PLAGL1: variants seen among roughly 807,000 people sequenced by gnomAD.
PLAGL1 encodes the protein PLAG1 like zinc finger 1.
Under a neutral mutation model 4.6 loss-of-function variants are expected in PLAGL1, and 1 was observed. The observed-to-expected ratio is 0.22, with a 90% confidence interval of 0.08 to 1.03. The LOEUF (loss-of-function observed/expected upper bound fraction) is 1.03. Ranked by LOEUF, PLAGL1 falls within the 50% of genes least tolerant of loss-of-function variation. PLAGL1 has a pLI of 0.58. For missense variants in PLAGL1, 464 were observed against 570.4 expected, an observed-to-expected ratio of 0.81 and a Z score of 1.90; for synonymous variants, 240 against 237.8, an observed-to-expected ratio of 1.01 and a Z score of -0.08.
chr6:144,030,569 T>C (rs1796741693), intron 1 of PLAGL1, among the ~76,000 whole-genome samples: 1 of 152,196 alleles, frequency 6.6e-6, no homozygotes, highest in African/African-American at 2.4e-5. Context: ...ATAGCTTAGC[T>C]TCCACATATA....
At chr6:143,977,470 C>CTTTTTTTTTTTTTTTTTTTTTTT (rs34750629) in intron 2 of PLAGL1, among the ~76,000 whole-genome samples, 1 of 69,312 alleles carries the variant, frequency 1.4e-5, no homozygotes, top group Non-Finnish European at 2.5e-5. Flanking sequence ...TCTTCTTCTT[C>CTTTTTTTTTTTTTTTTTTTTTTT]TTTTTTTTTT....
At chr6:144,060,132 C>T (rs924043033) in intron 1 of PLAGL1, among the ~76,000 whole-genome samples, 6 of 152,078 alleles carry the variant, frequency 3.9e-5, no homozygotes, top group East Asian at 1.9e-4. Flanking sequence ...ACTGCAGCCT[C>T]GACCTCCCAG....
chr6:144,002,123 A>G (rs1793034790), intron 1 of PLAGL1, among the ~76,000 whole-genome samples: 1 of 152,190 alleles, frequency 6.6e-6, no homozygotes, highest in African/African-American at 2.4e-5. Flanking sequence ...TGTTAACATG[A>G]GAGGAAGCTG....
In PLAGL1 at chr6:143,965,702, G is replaced by A. The variant is rs1384282494; in HGVS notation, c.-431+456C>T. ...GGGTGTGTTGGGCAAGTAAGCAGAG[G>A]TTGCTTGCTTTACCGAAAGTGGGGC... On this transcript the variant is annotated intron_variant, in intron 4 of 7. Transcript: ENST00000674357. The surrounding 1 kb of genome is among the most constrained non-coding windows in gnomAD (Gnocchi z 7.5). 6.6e-6 allele frequency: 1 copy of A among 152,306 alleles called. No individual in the cohort carries two copies. The highest frequency in any genetic ancestry group is 1.5e-5 in the Non-Finnish European group (1 of 68,108). 9.4% of individuals were successfully genotyped at this position (152,306 alleles called of 1,614,324 possible).
At position 143,964,014 on chromosome 6, in the gene PLAGL1, C is replaced by A. The variant is rs1290661385; in HGVS notation, c.-399+773G>T. 6.6e-6 allele frequency among the ~76,000 whole-genome samples: 1 copy of A among 152,170 alleles called. No homozygotes were observed. The highest frequency in any genetic ancestry group is 1.5e-5 in the Non-Finnish European group (1 of 68,040). On this transcript the variant is annotated intron_variant, in intron 5 of 7. Coordinates refer to ENST00000674357, the MANE Select transcript of PLAGL1 (RefSeq NM_001317162.2). This position sits in a 1 kb window ranked among gnomAD's most constrained non-coding sequence, Gnocchi z 4.3. ...CCAGAGAAGAAATTCTGCTGGACTT[C>A]TGGGAGGCGAGAAGGAGAAGCAGAG... is the stretch of plus-strand genomic sequence containing the variant.
rs942574633 is a variant in PLAGL1 at position 143,962,271 on chromosome 6, A to C, written c.-398-1729T>G. Among the ~76,000 whole-genome samples the C allele has an allele frequency of 2.0e-5, 3 of 152,240 alleles. No individual in the cohort carries two copies. The highest frequency in any genetic ancestry group is 4.4e-5 in the Non-Finnish European group (3 of 68,042). On this transcript the variant is annotated intron_variant, in intron 5 of 7. Coordinates refer to ENST00000674357, the MANE Select transcript of PLAGL1 (RefSeq NM_001317162.2). This position sits in a 1 kb window ranked among gnomAD's most constrained non-coding sequence, Gnocchi z 5.3. Reference sequence around the variant, plus strand: ...ACACATCTCAGTTTGACAGGATGCTACTTGCAGATTGCTTTTCAGGTCAGA... The same window carrying C: ...ACACATCTCAGTTTGACAGGATGCTCCTTGCAGATTGCTTTTCAGGTCAGA...
At chr6:144,028,727 G>C (rs1283610881) in intron 1 of PLAGL1, among the ~76,000 whole-genome samples, 4 of 152,146 alleles carry the variant, frequency 2.6e-5, no homozygotes, top group African/African-American at 7.2e-5. Flanking sequence ...GCTGCTGAGG[G>C]TGTAGAGAAT....
Position 143,953,001 on chromosome 6 carries a change from C to T in PLAGL1, c.-324-4541G>A, listed in dbSNP as rs1005703938. On this transcript the variant is annotated intron_variant, in intron 6 of 7. Transcript: ENST00000674357. This position sits in a 1 kb window ranked among gnomAD's most constrained non-coding sequence, Gnocchi z 5.3. ...CTGCAGACCTCACTCCCATCATGGC[C>T]GGAAGGCAAGGCCAAGGATCACTCC... 2.0e-5 allele frequency among the ~76,000 whole-genome samples: 3 copies of T among 152,210 alleles called. No individual in the cohort carries two copies. The highest frequency in any genetic ancestry group is 2.9e-5 in the Non-Finnish European group (2 of 68,034).
rs554648181 is a variant in PLAGL1, at chr6:143,966,205, C to T, written c.-471-7G>A. 12 of 152,226 alleles carry T rather than the reference C, an allele frequency of 7.9e-5. No homozygotes were observed. The highest frequency in any genetic ancestry group is 1.9e-4 in the East Asian group (1 of 5,186). 9.4% of individuals were successfully genotyped at this position (152,226 alleles called of 1,614,324 possible). On this transcript the variant is annotated splice_polypyrimidine_tract_variant and splice_region_variant and intron_variant, in intron 3 of 7. Coordinates refer to ENST00000674357, the MANE Select transcript of PLAGL1 (RefSeq NM_001317162.2). The surrounding 1 kb of genome is among the most constrained non-coding windows in gnomAD (Gnocchi z 6.0). ...CCCATTAGGTTTCTGTCGACTGCAA[C>T]GAAAAGTCTTGTCTAATCAGAACCA... is the stretch of plus-strand genomic sequence containing the variant.
chr6:144,005,037 T>C lies in PLAGL1; in HGVS notation c.-584+3053A>G, dbSNP rs980585972. 8.0e-5 allele frequency: 12 copies of C among 150,800 alleles called. No individual in the cohort carries two copies. Among genetic ancestry groups the C allele is most frequent in the African/African-American group, 2.7e-4 (11 of 41,230 alleles). 9.3% of individuals were successfully genotyped at this position (150,800 alleles called of 1,614,324 possible). ...ATATAAAGTGTATGTGTATATATTA[T>C]ATATATACACACACCTACATACATT... On this transcript the variant is annotated intron_variant, in intron 1 of 7. Transcript: ENST00000674357. The surrounding 1 kb of genome is among the most constrained non-coding windows in gnomAD (Gnocchi z 4.6).
In PLAGL1 at chr6:143,954,917, A is replaced by G. The variant is rs1781800075; in HGVS notation, c.-325+5552T>C. Reference sequence around the variant, plus strand: ...TGCATTTCTAAATATCCACAAACAGAAATATAGTTTAAATACCATCATATT... The same window carrying G: ...TGCATTTCTAAATATCCACAAACAGGAATATAGTTTAAATACCATCATATT... On this transcript the variant is annotated intron_variant, in intron 6 of 7. Transcript: ENST00000674357. This position sits in a 1 kb window ranked among gnomAD's most constrained non-coding sequence, Gnocchi z 5.1. 6.6e-6 allele frequency among the ~76,000 whole-genome samples: 1 copy of G among 152,204 alleles called. No homozygotes were observed. Among genetic ancestry groups the G allele is most frequent in the African/African-American group, 2.4e-5 (1 of 41,448 alleles).
At position 143,979,708 on chromosome 6, in the gene PLAGL1, T is replaced by A. The variant is rs1373729818; in HGVS notation, c.-544+5427A>T. On this transcript the variant is annotated intron_variant, in intron 2 of 7. Transcript: ENST00000674357. This position sits in a 1 kb window ranked among gnomAD's most constrained non-coding sequence, Gnocchi z 4.6. ...GTTTAAACCATCTTTTAAAAAATATTAATAATAATCATCATCGTATGTATT... is the reference window on the plus strand; with the variant it reads ...GTTTAAACCATCTTTTAAAAAATATAAATAATAATCATCATCGTATGTATT... Among the ~76,000 whole-genome samples, 2 of 152,206 alleles carry A rather than the reference T, an allele frequency of 1.3e-5. No individual in the cohort carries two copies. The highest frequency in any genetic ancestry group is 3.9e-4 in the East Asian group (2 of 5,192).
At chr6:143,993,329 A>ACAC (rs779507833) in intron 1 of PLAGL1, among the ~76,000 whole-genome samples, 32 of 66,838 alleles carry the variant, frequency 4.8e-4, no homozygotes, top group African/African-American at 1.5e-3. Context: ...AAAACAAAAC[A>ACAC]AAACACACAC....
In PLAGL1 at chr6:143,952,296, A is replaced by T. The variant is rs1240056273; in HGVS notation, c.-324-3836T>A. Among the ~76,000 whole-genome samples, 1 of 152,240 alleles carries T rather than the reference A, an allele frequency of 6.6e-6. No homozygotes were observed. Among genetic ancestry groups the T allele is most frequent in the East Asian group, 1.9e-4 (1 of 5,196 alleles). Reference sequence around the variant, plus strand: ...GGCAGGCCACCAACGATCCTAACAGAACTTACAGAGCAATGGTCCTGATGC... The same window carrying T: ...GGCAGGCCACCAACGATCCTAACAGTACTTACAGAGCAATGGTCCTGATGC... On this transcript the variant is annotated intron_variant, in intron 6 of 7. Coordinates refer to ENST00000674357, the MANE Select transcript of PLAGL1 (RefSeq NM_001317162.2). The surrounding 1 kb of genome is among the most constrained non-coding windows in gnomAD (Gnocchi z 6.1).
At chr6:143,996,596 A>G (rs1395824074) in intron 1 of PLAGL1, among the ~76,000 whole-genome samples, 1 of 148,606 alleles carries the variant, frequency 6.7e-6, no homozygotes, top group African/African-American at 2.5e-5. Context: ...AAGCAGGAGC[A>G]GAGTCTTATT....
Position 144,050,138 on chromosome 6 carries a change from CA to C in PLAGL1, c.-151+14329del, listed in dbSNP as rs1798476309. Reference sequence around the variant, plus strand: ...AAGGGTGCTTACTTTGAGTTTAACTCAAAATATTTATGTGTCTGGTGAGTTT... The same window carrying C: ...AAGGGTGCTTACTTTGAGTTTAACTCAAATATTTATGTGTCTGGTGAGTTT... On this transcript the variant is annotated intron_variant, in intron 1 of 3. Coordinates refer to the PLAGL1 transcript ENST00000437412. The surrounding 1 kb of genome is among the most constrained non-coding windows in gnomAD (Gnocchi z 4.3). Among the ~76,000 whole-genome samples, 1 of 152,008 alleles carries C rather than the reference CA, an allele frequency of 6.6e-6. No homozygotes were observed. Among genetic ancestry groups the C allele is most frequent in the Non-Finnish European group, 1.5e-5 (1 of 67,998 alleles).
chr6:143,943,432 TAAA>T (rs1341862378), intron 7 of PLAGL1, among the ~76,000 whole-genome samples: 1 of 152,080 alleles, frequency 6.6e-6, no homozygotes, highest in East Asian at 1.9e-4. Flanking sequence ...AGGAGCCTCT[TAAA>T]AAGTCCATCC....
rs761735778 is a variant in PLAGL1 at position 144,027,230 on chromosome 6, C to CGAAAGAAAGAAAGAAAAAGAAAGAAA, written c.-151+37237_-151+37238insTTTCTTTCTTTTTCTTTCTTTCTTTC. Among the ~76,000 whole-genome samples, 1 of 99,106 alleles carries CGAAAGAAAGAAAGAAAAAGAAAGAAA rather than the reference C, an allele frequency of 1.0e-5. No homozygotes were observed. The highest frequency in any genetic ancestry group is 4.1e-5 in the African/African-American group (1 of 24,100). The allele number at this position is 99,106 out of a possible 152,430, so 65.0% of individuals were successfully genotyped here. The stretch of plus-strand genomic sequence containing the variant: ...CAGAGAAAGACCCCAACTCAAAGAA[C>CGAAAGAAAGAAAGAAAAAGAAAGAAA]GAACGAAAGAAAGAAAGAAAGAAAG... On this transcript the variant is annotated intron_variant, in intron 1 of 3. Coordinates refer to the PLAGL1 transcript ENST00000437412. This position sits in a 1 kb window ranked among gnomAD's most constrained non-coding sequence, Gnocchi z 5.8.
At position 144,027,485 on chromosome 6, in the gene PLAGL1, G is replaced by T. The variant is rs1423938869; in HGVS notation, c.-151+36983C>A. On this transcript the variant is annotated intron_variant, in intron 1 of 3. Transcript: ENST00000437412. The surrounding 1 kb of genome is among the most constrained non-coding windows in gnomAD (Gnocchi z 5.8). ...CAGTTAATAGGAGAAATAGGAGAATGCAGATACCACTCAAGAGTGAGGGAG... is the reference window on the plus strand; with the variant it reads ...CAGTTAATAGGAGAAATAGGAGAATTCAGATACCACTCAAGAGTGAGGGAG... 6.6e-6 allele frequency among the ~76,000 whole-genome samples: 1 copy of T among 152,070 alleles called. No homozygotes were observed. Among genetic ancestry groups the T allele is most frequent in the Non-Finnish European group, 1.5e-5 (1 of 68,000 alleles).
Sources: allele counts gnomAD v4.1 joint callset (sites outside exome capture counted in the v4.1 genomes callset), GRCh38; gene constraint gnomAD v4.1.1; non-coding constraint Gnocchi (gnomAD v3.1); transcripts MANE v1.5; gene names NCBI Gene and HGNC (gene_info 2026-07-23, HGNC 2026-07-21).